Variants in ARMC2 observed in about 807,000 individuals in gnomAD.
ARMC2 encodes armadillo repeat containing 2, also known as armadillo repeat-containing protein 2.
In ARMC2, 67 loss-of-function variants were observed where a neutral mutation model predicts 90.3. That is an observed-to-expected ratio of 0.74 (90% CI 0.61 to 0.91). The LOEUF is 0.91. ARMC2 is among the 40% of genes least tolerant of loss of function. The pLI is 0.00. For synonymous variants in ARMC2, 393 were observed against 393.0 expected (o/e 1.00, Z 0.00); for missense variants, 920 against 1,030.9 (o/e 0.89, Z 1.47).
chr6:108,909,460 A>G (rs1773171109), intron 8 of ARMC2, among the ~76,000 whole-genome samples: 1 of 152,082 alleles, frequency 6.6e-6, no homozygotes, highest in South Asian at 2.1e-4. Context: ...TTTTAAAAAA[A>G]AAAACACTAT....
intron 10 of ARMC2, among the ~76,000 whole-genome samples, chr6:108,917,253 C>T (rs1409983081): frequency 2.6e-5 from 4 of 152,114 alleles, no homozygotes; most frequent in Non-Finnish European, 5.9e-5. Flanking sequence ...CAGCCCCCTA[C>T]CCCCGCTTCT....
the ARMC2 span, among the ~76,000 whole-genome samples, chr6:109,035,213 C>T: frequency 6.6e-6 from 1 of 152,088 alleles, no homozygotes; most frequent in Non-Finnish European, 1.5e-5. Context: ...CAAAAAAGAA[C>T]TGACCCCAAA....
intron 5 of ARMC2, among the ~76,000 whole-genome samples, chr6:108,886,220 ACTT>A (rs1230092311): frequency 4.6e-5 from 7 of 152,158 alleles, no homozygotes; most frequent in African/African-American, 1.7e-4. Flanking sequence ...TGTTTAATCT[ACTT>A]CTTAATATTT....
At chr6:108,979,267 G>T (rs1439434509), downstream of ARMC2, among the ~76,000 whole-genome samples, 1 of 152,170 alleles carries the variant, frequency 6.6e-6, no homozygotes, top group East Asian at 1.9e-4. Context: ...AGTGTGGCTG[G>T]ATATGAAATT....
At chr6:109,005,224 T>A in the ARMC2 span, among the ~76,000 whole-genome samples, 1 of 152,032 alleles carries the variant, frequency 6.6e-6, no homozygotes, top group Non-Finnish European at 1.5e-5. Flanking sequence ...TATAATAGAG[T>A]AGCATGCAGT....
intron 6 of ARMC2, among the ~76,000 whole-genome samples, chr6:108,898,343 G>C (rs760987750): frequency 3.3e-5 from 5 of 152,114 alleles, no homozygotes; most frequent in Non-Finnish European, 5.9e-5. Flanking sequence ...CTCTTTGTGT[G>C]ACATTTTTAG....
chr6:108,876,909 A>T (rs1184208452), intron 5 of ARMC2, among the ~76,000 whole-genome samples: 1 of 152,212 alleles, frequency 6.6e-6, no homozygotes, highest in Non-Finnish European at 1.5e-5. Context: ...ATGTTCCTAG[A>T]TAGGGTTTCC....
the ARMC2 span, among the ~76,000 whole-genome samples, chr6:109,038,346 G>T: frequency 1.3e-5 from 2 of 152,194 alleles, no homozygotes; most frequent in Non-Finnish European, 2.9e-5. Flanking sequence ...TACAAAATTA[G>T]CTAGGTGTGG....
At chr6:108,859,802 C>T (rs886936321) in intron 3 of ARMC2, among the ~76,000 whole-genome samples, 3 of 152,040 alleles carry the variant, frequency 2.0e-5, no homozygotes, top group African/African-American at 4.8e-5. Flanking sequence ...GTCCGGAGTT[C>T]GAGACCATCC....
chr6:108,969,727 T>C (rs1329079343), intron 17 of ARMC2, among the ~76,000 whole-genome samples: 2 of 152,232 alleles, frequency 1.3e-5, no homozygotes, highest in African/African-American at 2.4e-5. Flanking sequence ...TTCTAACTTA[T>C]GATGATTCAA....
the ARMC2 span, chr6:109,009,549 G>C: frequency 4.0e-6 from 4 of 994,892 alleles, no homozygotes; most frequent in Non-Finnish European, 3.5e-6. Flanking sequence ...CAGTCAGCAC[G>C]GACGGCGGGG....
the ARMC2 span, chr6:108,987,373 T>G: frequency 3.9e-6 from 2 of 518,840 alleles, no homozygotes; most frequent in South Asian, 3.1e-5. Flanking sequence ...AAACAGTCAC[T>G]GCTTGTGCCA....
intron 11 of ARMC2, 137 bp from the exon 12 acceptor site, chr6:108,936,763 T>G: frequency 2.9e-6 from 2 of 693,100 alleles, no homozygotes; most frequent in Non-Finnish European, 4.8e-6. Flanking sequence ...TCTGAACTGA[T>G]GTGTAGAGTA....
intron 11 of ARMC2, among the ~76,000 whole-genome samples, chr6:108,930,594 T>C (rs1775455862): frequency 1.3e-5 from 1 of 78,892 alleles, no homozygotes; most frequent in African/African-American, 6.9e-5. Flanking sequence ...CCCTGAATCT[T>C]TTTTTTTTTT....
chr6:108,932,272 T>C (rs1775618363), intron 11 of ARMC2, among the ~76,000 whole-genome samples: 1 of 151,922 alleles, frequency 6.6e-6, no homozygotes, highest in African/African-American at 2.4e-5. Context: ...TTTGCTTTTG[T>C]TGCATTTGCT....
intron 10 of ARMC2, among the ~76,000 whole-genome samples, chr6:108,917,643 T>A (rs1277030915): frequency 5.9e-5 from 9 of 152,148 alleles, no homozygotes; most frequent in East Asian, 1.9e-4. Flanking sequence ...TTTTATTTTT[T>A]AAATTTTAAT....
downstream of ARMC2, among the ~76,000 whole-genome samples, chr6:108,976,651 T>TCCA (rs1344257381): frequency 1.3e-5 from 2 of 151,858 alleles, no homozygotes; most frequent in Admixed American, 1.3e-4. Flanking sequence ...GGAATGTTTT[T>TCCA]TTAATTTGTG....
At chr6:109,051,444 T>G in the ARMC2 span, among the ~76,000 whole-genome samples, 1 of 152,204 alleles carries the variant, frequency 6.6e-6, no homozygotes, top group Non-Finnish European at 1.5e-5. Context: ...ACTATATGAA[T>G]GGACTCTTTG....
the ARMC2 span, among the ~76,000 whole-genome samples, chr6:109,015,855 T>G: frequency 6.6e-6 from 1 of 152,172 alleles, no homozygotes; most frequent in African/African-American, 2.4e-5. Flanking sequence ...TTTCTAACAG[T>G]TTTTTGAGGG....
Sources: gnomAD v4.1 joint callset for allele counts (sites outside exome capture counted in the v4.1 genomes callset) on GRCh38, gnomAD v4.1.1 for gene constraint, MANE v1.5 for transcripts, NCBI Gene and HGNC (gene_info 2026-07-23, HGNC 2026-07-21) for gene names.